The following C10orf67 variants were observed in gnomAD, a reference collection of about 807,000 sequenced individuals.
The protein encoded by C10orf67 is chromosome 10 open reading frame 67, also known as uncharacterized protein C10orf67, mitochondrial.
Under a neutral mutation model 35.6 loss-of-function variants are expected in C10orf67, and 60 were observed. The observed-to-expected ratio is 1.68, with a 90% CI of 1.37 to 2.09. The LOEUF is 2.09. Among genes scored for constraint, C10orf67 ranks in the 30% most tolerant of loss-of-function variants. The pLI is 0.00. For missense variants in C10orf67, 474 were observed against 330.2 expected, an observed-to-expected ratio of 1.44 and a Z score of -3.38; for synonymous variants, 167 against 115.8, an observed-to-expected ratio of 1.44 and a Z score of -2.84.
intron 15 of C10orf67, 86 bp downstream of exon 15, chr10:23,223,512 C>A (rs965691229): frequency 1.4e-6 from 1 of 704,810 alleles, no homozygotes; most frequent in East Asian, 2.7e-5. Flanking sequence ...TACCAAATAC[C>A]TCAGGGTAAA....
At position 23,242,068 on chromosome 10, in the gene C10orf67, T is replaced by G. The variant is rs1842197720; in HGVS notation, c.1347-2252A>C. On this transcript the variant is annotated intron_variant, in intron 12 of 15. Transcript: ENST00000636213. ...CTCACTGCAACTTCCACCTCCTGGG[T>G]TCAAGCAATTCTCCTGCCTCAGCCT... Among the ~76,000 whole-genome samples, 3 of 152,010 alleles carry G rather than the reference T, an allele frequency of 2.0e-5. No individual in the cohort carries two copies. The South Asian group carries it at 6.2e-4, about 32-fold the overall frequency.
Position 23,203,707 on chromosome 10 carries a change from A to T in C10orf67, c.*466T>A, listed in dbSNP as rs1162650180. Reference sequence around the variant, plus strand: ...GTAAGATAAGAATGAATCTTGCTTGAGGAAATGTACGATCTCCCTGTAGTC... The same window carrying T: ...GTAAGATAAGAATGAATCTTGCTTGTGGAAATGTACGATCTCCCTGTAGTC... On this transcript the variant is annotated 3_prime_UTR_variant, in exon 16 of 16. Transcript: ENST00000636213. 1.3e-5 allele frequency: 2 copies of T among 152,546 alleles called. No individual in the cohort carries two copies. The highest frequency in any genetic ancestry group is 2.9e-5 in the Non-Finnish European group (2 of 68,244). The allele number at this position is 152,546 out of a possible 1,614,324, so 9.4% of individuals were successfully genotyped here.
chr10:23,281,957 G>T, intron 8 of C10orf67, 56 bp downstream of exon 8: 1 of 530,252 alleles, frequency 1.9e-6, no homozygotes. Context: ...AAACTTTCAT[G>T]GTTAAATTAA....
chr10:23,239,957 A>G (rs1036814733), intron 12 of C10orf67, 141 bp from the exon 13 acceptor site: 13 of 435,038 alleles, frequency 3.0e-5, no homozygotes, highest in Non-Finnish European at 5.0e-5. Context: ...TAGCATGAAC[A>G]TACTACCTCT....
chr10:23,232,781 A>G (rs1031646474), intron 13 of C10orf67, among the ~76,000 whole-genome samples: 3 of 152,224 alleles, frequency 2.0e-5, no homozygotes, highest in African/African-American at 7.2e-5. Flanking sequence ...ACTATGGAGG[A>G]CAGAAAAATA....
chr10:23,274,613 T>C (rs906206768), intron 8 of C10orf67, among the ~76,000 whole-genome samples: 1 of 152,200 alleles, frequency 6.6e-6, no homozygotes, highest in African/African-American at 2.4e-5. Flanking sequence ...TTATCTTTCC[T>C]TGTTCCCTGA....
chr10:23,328,377 T>C (rs938499940), intron 2 of C10orf67, among the ~76,000 whole-genome samples: 9 of 152,066 alleles, frequency 5.9e-5, no homozygotes, highest in Admixed American at 5.9e-4. Flanking sequence ...CTATGGAAAG[T>C]TTTTGCTTTC....
chr10:23,299,990 A>AG (rs1278819786), intron 5 of C10orf67, among the ~76,000 whole-genome samples: 27 of 151,990 alleles, frequency 1.8e-4, no homozygotes, highest in African/African-American at 6.5e-4. Context: ...AAAAAAAAAA[A>AG]AAAATTACTG....
rs112911874 is a variant in C10orf67, at chr10:23,226,353, A to G, written c.1435-2535T>C. Among the ~76,000 whole-genome samples, 778 of 150,890 alleles carry G rather than the reference A, an allele frequency of 5.2e-3. 8 individuals carry two copies. The highest frequency in any genetic ancestry group is 0.018 in the African/African-American group (741 of 41,320). ...CCTGGATGACTACTGGGTACATAAC[A>G]AAATGAAGGCAGAAATAAAGATGTT... is the stretch of plus-strand genomic sequence containing the variant. On this transcript the variant is annotated intron_variant, in intron 13 of 15. Coordinates refer to ENST00000636213, the MANE Select transcript of C10orf67 (RefSeq NM_001371909.1).
intron 1 of C10orf67, 128 bp from the exon 2 acceptor site, chr10:23,333,310 A>T (rs1159605876): frequency 2.5e-6 from 2 of 790,752 alleles, no homozygotes; most frequent in East Asian, 5.5e-5. Flanking sequence ...GAGGTGAGGA[A>T]GCCTCTGAAT....
chr10:23,340,614 C>T lies in C10orf67; in HGVS notation c.206+3955G>A, dbSNP rs559186678. Among the ~76,000 whole-genome samples, 66 of 152,282 alleles carry T rather than the reference C, an allele frequency of 4.3e-4. 2 individuals carry two copies. The South Asian group carries it at 0.013, about 31-fold the overall frequency. ...TTTATGTGACTGACTCAAAAAGTTC[C>T]AGCTCATTCAGAATCTAACTGAATG... On this transcript the variant is annotated intron_variant, in intron 1 of 15. Coordinates refer to ENST00000636213, the MANE Select transcript of C10orf67 (RefSeq NM_001371909.1).
intron 10 of C10orf67, among the ~76,000 whole-genome samples, chr10:23,257,797 T>C (rs1030207158): frequency 6.3e-5 from 9 of 142,442 alleles, no homozygotes; most frequent in Non-Finnish European, 1.6e-5. Flanking sequence ...AGTCAGACTC[T>C]GTTTTTTTTT....
At chr10:23,314,609 T>A (rs530779672) in intron 4 of C10orf67, among the ~76,000 whole-genome samples, 140 of 151,756 alleles carry the variant, frequency 9.2e-4, no homozygotes, top group African/African-American at 3.3e-3. Context: ...GCAATTAAGG[T>A]GGTGTCCAGG....
At chr10:23,250,259 T>C (rs969489763) in intron 12 of C10orf67, among the ~76,000 whole-genome samples, 196 bp downstream of exon 12, 3 of 152,200 alleles carry the variant, frequency 2.0e-5, no homozygotes, top group African/African-American at 4.8e-5. Flanking sequence ...AGATAGGGAA[T>C]GAAAACATCT....
At chr10:23,274,436 C>G (rs1449220341) in intron 8 of C10orf67, among the ~76,000 whole-genome samples, 1 of 152,058 alleles carries the variant, frequency 6.6e-6, no homozygotes, top group Non-Finnish European at 1.5e-5. Context: ...TATAGACCTA[C>G]CCCTGGGAAT....
chr10:23,235,476 A>G (rs1842024807), intron 13 of C10orf67, among the ~76,000 whole-genome samples: 2 of 152,238 alleles, frequency 1.3e-5, no homozygotes, highest in African/African-American at 4.8e-5. Context: ...CTACAATTCA[A>G]TAACAGTTAA....
chr10:23,286,175 T>C (rs1223941132), intron 7 of C10orf67, among the ~76,000 whole-genome samples: 1 of 151,284 alleles, frequency 6.6e-6, no homozygotes, highest in Non-Finnish European at 1.5e-5. Context: ...GAGCATCACT[T>C]GAGGCCAGGA....
Position 23,204,117 on chromosome 10 carries a change from G to C in C10orf67, c.*56C>G, listed in dbSNP as rs1175216349. 4.3e-6 allele frequency: 2 copies of C among 470,462 alleles called. No homozygotes were observed. The highest frequency in any genetic ancestry group is 4.1e-5 in the Admixed American group (1 of 24,608). The allele number at this position is 470,462 out of a possible 1,614,324, so 29.1% of individuals were successfully genotyped here. A position where few individuals can be genotyped will look rare whatever the true frequency, so the allele number is the denominator to read the frequency against. ...TTCCGAGGGAGGCACCTTACACCAG[G>C]ACGGCGAGGCCACTCTTTCTGAGGC... is the stretch of plus-strand genomic sequence containing the variant. On this transcript the variant is annotated 3_prime_UTR_variant, in exon 16 of 16. Coordinates refer to ENST00000636213, the MANE Select transcript of C10orf67 (RefSeq NM_001371909.1).
At chr10:23,320,718 C>G (rs766887953) in intron 4 of C10orf67, 23 bp downstream of exon 4, 2 of 1,557,076 alleles carry the variant, frequency 1.3e-6, no homozygotes, top group Non-Finnish European at 1.8e-6. Flanking sequence ...CCCACAACTA[C>G]GGCACCAGAA....
Sources: allele counts gnomAD v4.1 joint callset (sites outside exome capture counted in the v4.1 genomes callset), GRCh38; gene constraint gnomAD v4.1.1; transcripts MANE v1.5; gene names NCBI Gene and HGNC (gene_info 2026-07-23, HGNC 2026-07-21).